The following FAM24B variants were observed in gnomAD, a reference collection of about 807,000 sequenced individuals.
FAM24B encodes protein FAM24B.
In FAM24B, 3 loss-of-function variants were observed where a neutral mutation model predicts 2.3. That is an observed-to-expected ratio of 1.29 (90% CI 0.59 to 3.32). FAM24B has a LOEUF of 3.32. Ranked by LOEUF, FAM24B falls within the 30% of genes most tolerant of loss-of-function variation. The probability of loss-of-function intolerance (pLI) is 0.03; values close to 1 mark genes in which losing one functional copy is unlikely to be tolerated. For synonymous variants in FAM24B, 36 were observed against 46.3 expected, an observed-to-expected ratio of 0.78 and a Z score of 0.90; for missense variants, 98 against 117.2, an observed-to-expected ratio of 0.84 and a Z score of 0.76.
intron 1 of FAM24B, among the ~76,000 whole-genome samples, chr10:122,865,438 T>C (rs1436474996): frequency 6.6e-6 from 1 of 152,226 alleles, no homozygotes; most frequent in Admixed American, 6.5e-5. Context: ...ACCAGAAACA[T>C]ACTAGAATAC....
chr10:122,858,101 C>G (rs966075068), intron 1 of FAM24B, among the ~76,000 whole-genome samples: 5 of 152,182 alleles, frequency 3.3e-5, no homozygotes, highest in Admixed American at 1.3e-4. Flanking sequence ...GACACATACA[C>G]ACATAGGTTT....
At chr10:122,868,695 T>C (rs1847842953) in intron 1 of FAM24B, among the ~76,000 whole-genome samples, 2 of 151,994 alleles carry the variant, frequency 1.3e-5, no homozygotes, top group African/African-American at 4.8e-5. Context: ...GCTTCATAAG[T>C]GAAGGAGAAA....
In FAM24B at chr10:122,871,474, G is replaced by A. The variant is rs1032589945; in HGVS notation, c.-178+8011C>T. Among the ~76,000 whole-genome samples the A allele has an allele frequency of 3.8e-3, 571 of 151,580 alleles. 16 individuals are homozygous for A. The highest frequency in any genetic ancestry group is 0.027 in the Admixed American group (411 of 15,216). On this transcript the variant is annotated intron_variant, in intron 1 of 3. Coordinates refer to ENST00000368898, the MANE Select transcript of FAM24B (RefSeq NM_152644.3). ...ATGGAACCAAAAAAGAGCCCGCATC[G>A]CCAAGTCAATCCTAAGCCAAAAGAA...
intron 1 of FAM24B, among the ~76,000 whole-genome samples, chr10:122,865,322 A>C (rs1442114591): frequency 6.6e-6 from 1 of 152,110 alleles, no homozygotes; most frequent in East Asian, 1.9e-4. Context: ...TTTTATGATG[A>C]AGGGGTGTTG....
chr10:122,856,835 C>T (rs948624938), intron 1 of FAM24B, among the ~76,000 whole-genome samples: 1 of 152,276 alleles, frequency 6.6e-6, no homozygotes, highest in African/African-American at 2.4e-5. Context: ...AGAAAAATCA[C>T]CCTGGGTTAC....
chr10:122,849,149 T>C lies in FAM24B; in HGVS notation c.*98A>G, dbSNP rs1847482250. 4.5e-6 allele frequency: 4 copies of C among 884,156 alleles called. No individual in the cohort carries two copies. Among genetic ancestry groups the C allele is most frequent in the African/African-American group, 1.7e-5 (1 of 58,382 alleles). 54.8% of individuals were successfully genotyped at this position (884,156 alleles called of 1,614,324 possible). ...GTATATAAAACAACACTGTAAATTA[T>C]ATAATCTCACATAAAAACACTAGAA... On this transcript the variant is annotated 3_prime_UTR_variant, in exon 4 of 4. Coordinates refer to ENST00000368898, the MANE Select transcript of FAM24B (RefSeq NM_152644.3).
chr10:122,857,283 C>T (rs1255785651), intron 1 of FAM24B, among the ~76,000 whole-genome samples: 8 of 152,142 alleles, frequency 5.3e-5, no homozygotes, highest in African/African-American at 1.9e-4. Flanking sequence ...GTCCAGCCTA[C>T]CCTCTAGGGG....
intron 1 of FAM24B, among the ~76,000 whole-genome samples, chr10:122,879,087 A>G (rs1172543253): frequency 6.6e-6 from 1 of 152,174 alleles, no homozygotes; most frequent in African/African-American, 2.4e-5. Context: ...GGCATCTGGA[A>G]AACTCCCTCA....
rs182457008 is a variant in FAM24B, at chr10:122,849,118, T to C, written c.*129A>G. On this transcript the variant is annotated 3_prime_UTR_variant, in exon 4 of 4. Coordinates refer to ENST00000368898, the MANE Select transcript of FAM24B (RefSeq NM_152644.3). Reference sequence around the variant, plus strand: ...ATTATTTTTAATAGTGTACATTTATTCAAAAGTATATAAAACAACACTGTA... The same window carrying C: ...ATTATTTTTAATAGTGTACATTTATCCAAAAGTATATAAAACAACACTGTA... The C allele has an allele frequency of 8.9e-4, 551 of 617,296 alleles. No homozygotes were observed. Among genetic ancestry groups the C allele is most frequent in the Non-Finnish European group, 1.3e-3 (516 of 399,098 alleles). 38.2% of individuals were successfully genotyped at this position (617,296 alleles called of 1,614,324 possible).
At chr10:122,870,055 GA>G (rs1345717568) in intron 1 of FAM24B, among the ~76,000 whole-genome samples, 2 of 152,006 alleles carry the variant, frequency 1.3e-5, no homozygotes, top group African/African-American at 4.8e-5. Flanking sequence ...TAATAAAGAA[GA>G]AAAGAGAGAA....
chr10:122,855,269 G>A (rs1352423329), intron 2 of FAM24B: 2 of 152,088 alleles, frequency 1.3e-5, no homozygotes, highest in Admixed American at 6.5e-5. Flanking sequence ...TTTACTATAC[G>A]TCCCAGAACC....
intron 1 of FAM24B, among the ~76,000 whole-genome samples, chr10:122,867,291 G>T (rs574967447): frequency 1.1e-4 from 17 of 152,370 alleles, no homozygotes; most frequent in African/African-American, 3.1e-4. Context: ...CAAAGCAGCT[G>T]GGAAGATTGA....
chr10:122,850,596 T>TC, intron 2 of FAM24B, 46 bp from the exon 3 acceptor site: 1 of 930,536 alleles, frequency 1.1e-6, no homozygotes. Flanking sequence ...GTGGTCTCCC[T>TC]CCCCACACAA....
intron 1 of FAM24B, among the ~76,000 whole-genome samples, chr10:122,864,462 T>C (rs2133834342): frequency 6.6e-6 from 1 of 152,360 alleles, no homozygotes; most frequent in South Asian, 2.1e-4. Flanking sequence ...TGAGTAACTT[T>C]TGTATACATA....
chr10:122,864,670 C>T (rs191289559), intron 1 of FAM24B, among the ~76,000 whole-genome samples: 1 of 152,312 alleles, frequency 6.6e-6, no homozygotes, highest in African/African-American at 2.4e-5. Flanking sequence ...TATAGTATCA[C>T]ATGCAGATTA....
At chr10:122,866,748 C>T (rs1008021798) in intron 1 of FAM24B, among the ~76,000 whole-genome samples, 1 of 152,138 alleles carries the variant, frequency 6.6e-6, no homozygotes, top group Non-Finnish European at 1.5e-5. Flanking sequence ...ACTCCACTGA[C>T]TGCCATTCCC....
At chr10:122,873,498 G>A (rs995141522) in intron 1 of FAM24B, among the ~76,000 whole-genome samples, 2 of 152,206 alleles carry the variant, frequency 1.3e-5, no homozygotes, top group Admixed American at 6.5e-5. Flanking sequence ...CCAAGAGCTC[G>A]GATGGTGATG....
chr10:122,870,099 G>A (rs1261696229), intron 1 of FAM24B, among the ~76,000 whole-genome samples: 6 of 152,096 alleles, frequency 3.9e-5, no homozygotes, highest in Admixed American at 3.9e-4. Flanking sequence ...AATGACAAAC[G>A]GGATATCACC....
intron 1 of FAM24B, among the ~76,000 whole-genome samples, chr10:122,857,202 C>T (rs746003973): frequency 1.3e-4 from 20 of 152,216 alleles, no homozygotes; most frequent in Admixed American, 3.9e-4. Flanking sequence ...CAGATAATCT[C>T]TATTTTGATT....
Sources: gnomAD v4.1 joint callset for allele counts (sites outside exome capture counted in the v4.1 genomes callset) on GRCh38, gnomAD v4.1.1 for gene constraint, MANE v1.5 for transcripts, NCBI Gene and HGNC (gene_info 2026-07-23, HGNC 2026-07-21) for gene names.